RERE: variants seen among roughly 807,000 people sequenced by gnomAD.
RERE encodes the protein arginine-glutamic acid dipeptide repeats protein.
In RERE, 40 loss-of-function variants were observed where a neutral mutation model predicts 146.1. The observed-to-expected ratio is 0.27, with a 90% CI of 0.21 to 0.36. The LOEUF (loss-of-function observed/expected upper bound fraction) is 0.36. RERE is among the 10% of genes least tolerant of loss of function. RERE has a pLI of 1.00. For missense variants in RERE, 1,933 were observed against 2,138.7 expected (o/e 0.90, Z 1.90); for synonymous variants, 1,003 against 866.0 (o/e 1.16, Z -2.78).
At chr1:8,403,863 ACT>A (rs1234839466) in intron 12 of RERE, among the ~76,000 whole-genome samples, 1 of 95,910 alleles carries the variant, frequency 1.0e-5, no homozygotes, top group Non-Finnish European at 1.8e-5. Flanking sequence ...TGGGAGTCTC[ACT>A]CTGTCACCAG....
At chr1:8,404,789 C>T (rs1222284323) in intron 12 of RERE, among the ~76,000 whole-genome samples, 1 of 152,280 alleles carries the variant, frequency 6.6e-6, no homozygotes, top group Middle Eastern at 3.4e-3. Flanking sequence ...CTGGTGCCAA[C>T]CGTGTCAGGG....
intron 12 of RERE, among the ~76,000 whole-genome samples, chr1:8,400,585 T>C (rs926105212): frequency 6.6e-6 from 1 of 152,064 alleles, no homozygotes; most frequent in Admixed American, 6.5e-5. Flanking sequence ...AACACACATA[T>C]ATAGGGTCTT....
chr1:8,581,584 T>C (rs1425036033), intron 4 of RERE, among the ~76,000 whole-genome samples: 1 of 152,238 alleles, frequency 6.6e-6, no homozygotes, highest in East Asian at 1.9e-4. Flanking sequence ...TTTGAGATTA[T>C]ATTTAGATCA....
intron 4 of RERE, among the ~76,000 whole-genome samples, chr1:8,579,866 T>C (rs1646342106): frequency 6.6e-6 from 1 of 152,156 alleles, no homozygotes; most frequent in Non-Finnish European, 1.5e-5. Flanking sequence ...TAGTTGGGCG[T>C]GGTGGCGCAT....
chr1:8,392,677 A>G (rs1642923745), intron 12 of RERE, among the ~76,000 whole-genome samples: 1 of 152,162 alleles, frequency 6.6e-6, no homozygotes, highest in Non-Finnish European at 1.5e-5. Flanking sequence ...AGGGACGTGG[A>G]GGCCCTCAAG....
At chr1:8,370,265 G>A (rs574275794) in intron 12 of RERE, among the ~76,000 whole-genome samples, 11 of 151,540 alleles carry the variant, frequency 7.3e-5, no homozygotes, top group African/African-American at 1.7e-4. Context: ...AGACAGGGAC[G>A]GTGGGTGCTG....
intron 11 of RERE, among the ~76,000 whole-genome samples, chr1:8,440,873 G>A (rs1255529056): frequency 2.6e-5 from 4 of 151,528 alleles, no homozygotes; most frequent in Admixed American, 6.6e-5. Flanking sequence ...CTCCAGCCTC[G>A]GTGACAGAGG....
chr1:8,763,087 C>T (rs1368619030), intron 1 of RERE, among the ~76,000 whole-genome samples: 1 of 152,002 alleles, frequency 6.6e-6, no homozygotes, highest in African/African-American at 2.4e-5. Context: ...GTTTAGAGGA[C>T]GAAAATGAAA....
intron 10 of RERE, among the ~76,000 whole-genome samples, chr1:8,472,485 G>A (rs1238013671): frequency 6.6e-6 from 1 of 152,178 alleles, no homozygotes; most frequent in African/African-American, 2.4e-5. Flanking sequence ...TTGCAATGAA[G>A]ATGGGGAAAA....
intron 7 of RERE, among the ~76,000 whole-genome samples, chr1:8,520,771 A>AAAAAAC (rs1645486157): frequency 6.6e-6 from 1 of 150,854 alleles, no homozygotes; most frequent in Non-Finnish European, 1.5e-5. Context: ...AAAAAAAAAA[A>AAAAAAC]AAAAACCACT....
At chr1:8,789,585 G>A (rs995069020) in intron 1 of RERE, among the ~76,000 whole-genome samples, 1 of 151,854 alleles carries the variant, frequency 6.6e-6, no homozygotes, top group African/African-American at 2.4e-5. Flanking sequence ...CCAGTCTCTG[G>A]CTGACGTGCT....
chr1:8,584,753 A>T (rs1287014994), intron 4 of RERE, among the ~76,000 whole-genome samples: 1 of 152,214 alleles, frequency 6.6e-6, no homozygotes, highest in Non-Finnish European at 1.5e-5. Context: ...GGGAGAGTGC[A>T]AACAAAAATT....
chr1:8,550,844 G>A (rs560120065), intron 6 of RERE, among the ~76,000 whole-genome samples: 14 of 152,066 alleles, frequency 9.2e-5, no homozygotes, highest in East Asian at 3.8e-4. Flanking sequence ...CACCGTGCCC[G>A]GCCACTAAAG....
At chr1:8,793,157 CAAAAAAAAAAA>C (rs1015889392) in intron 1 of RERE, among the ~76,000 whole-genome samples, 1 of 49,314 alleles carries the variant, frequency 2.0e-5, no homozygotes, top group Non-Finnish European at 4.6e-5. Context: ...ACTCCATCTC[CAAAAAAAAAAA>C]AAAAAAAAAG....
chr1:8,758,322 TCCACCCAC>T (rs937113870), intron 1 of RERE, among the ~76,000 whole-genome samples: 7 of 151,388 alleles, frequency 4.6e-5, no homozygotes, highest in South Asian at 2.1e-4. Flanking sequence ...GACCTCCTGA[TCCACCCAC>T]CCAGCCACCC....
At chr1:8,750,727 T>C (rs772501765) in intron 1 of RERE, 1 of 793,346 alleles carries the variant, frequency 1.3e-6, no homozygotes, top group East Asian at 2.4e-5. Context: ...GTATCAATGG[T>C]GTGAGCCCAG....
At chr1:8,464,456 G>C (rs961764974) in intron 11 of RERE, among the ~76,000 whole-genome samples, 1 of 151,996 alleles carries the variant, frequency 6.6e-6, no homozygotes, top group African/African-American at 2.4e-5. Flanking sequence ...AGAGACCACC[G>C]GACTCAGCGG....
At chr1:8,418,504 C>T (rs949399531) in intron 12 of RERE, among the ~76,000 whole-genome samples, 6 of 152,148 alleles carry the variant, frequency 3.9e-5, no homozygotes, top group African/African-American at 1.2e-4. Context: ...ACTGAGGAAG[C>T]GCTCCTGGAC....
chr1:8,790,679 G>T (rs1046426313), intron 1 of RERE, among the ~76,000 whole-genome samples: 1 of 152,214 alleles, frequency 6.6e-6, no homozygotes, highest in South Asian at 2.1e-4. Flanking sequence ...CACCTCCCAG[G>T]TTCAAGCAAT....
Sources: gnomAD v4.1 joint callset for allele counts (sites outside exome capture counted in the v4.1 genomes callset) on GRCh38, gnomAD v4.1.1 for gene constraint, MANE v1.5 for transcripts, NCBI Gene and HGNC (gene_info 2026-07-23, HGNC 2026-07-21) for gene names.